Variants in ASAP2 observed in about 807,000 individuals in gnomAD.
ASAP2 encodes the protein ArfGAP with SH3 domain, ankyrin repeat and PH domain 2, also known as arf-GAP with SH3 domain, ANK repeat and PH domain-containing protein 2.
A neutral mutation model predicts 131.4 loss-of-function variants in ASAP2; 45 were observed. The ratio of observed to expected loss-of-function variants is 0.34; its 90% CI spans 0.27 to 0.44. The LOEUF is 0.44. Ranked by LOEUF, ASAP2 falls within the 20% of genes least tolerant of loss-of-function variation. The probability of loss-of-function intolerance (pLI) is 1.00; values close to 1 mark genes in which losing one functional copy is unlikely to be tolerated. For missense variants in ASAP2, 1,011 were observed against 1,297.0 expected (o/e 0.78, Z 3.39); for synonymous variants, 510 against 503.0 (o/e 1.01, Z -0.19).
chr2:9,317,133 A>T (rs111206548), intron 3 of ASAP2, among the ~76,000 whole-genome samples: 35 of 148,012 alleles, frequency 2.4e-4, no homozygotes, highest in African/African-American at 6.3e-4. Flanking sequence ...ACCACACAAC[A>T]CACATCCCAA....
chr2:9,235,962 G>A (rs1330370301), intron 1 of ASAP2, among the ~76,000 whole-genome samples: 1 of 152,186 alleles, frequency 6.6e-6, no homozygotes, highest in Non-Finnish European at 1.5e-5. Context: ...CCAGGACTGG[G>A]GACTGGGGTG....
chr2:9,334,374 TC>T (rs146629001), intron 7 of ASAP2, among the ~76,000 whole-genome samples: 4,764 of 152,132 alleles, frequency 0.031, 193 homozygotes, highest in African/African-American at 0.099. Context: ...CCTTTTCTTT[TC>T]CATGTCGCGG....
intron 11 of ASAP2, among the ~76,000 whole-genome samples, chr2:9,348,305 CTAAAAATCTCTACTAA>C (rs1558354070): frequency 0.011 from 1,707 of 151,846 alleles, 35 homozygotes; most frequent in African/African-American, 0.04. Context: ...TTAGTAGAGA[CTAAAAATCTCTACTAA>C]ATCAGCCAGG....
At chr2:9,399,286 C>T (rs1241272240) in intron 24 of ASAP2, 3 of 152,414 alleles carry the variant, frequency 2.0e-5, no homozygotes, top group African/African-American at 7.2e-5. Context: ...CGTCCTGTGC[C>T]TGGCTTTATG....
intron 9 of ASAP2, 31 bp from the exon 10 acceptor site, chr2:9,344,501 G>A (rs1671819650): frequency 1.3e-6 from 2 of 1,574,716 alleles, no homozygotes; most frequent in Non-Finnish European, 1.7e-6. Flanking sequence ...ACCTGGACAA[G>A]ATTAAAAACA....
chr2:9,378,878 C>A, intron 18 of ASAP2, 66 bp from the exon 19 acceptor site: 1 of 1,188,234 alleles, frequency 8.4e-7, no homozygotes, highest in Non-Finnish European at 1.1e-6. Context: ...GGCTCCCTGC[C>A]GGGCAGTCCC....
chr2:9,360,593 T>G (rs1673015032), intron 15 of ASAP2, among the ~76,000 whole-genome samples: 1 of 152,206 alleles, frequency 6.6e-6, no homozygotes, highest in Admixed American at 6.5e-5. Context: ...CTGCCTGTTC[T>G]CATGGTGTAA....
intron 1 of ASAP2, among the ~76,000 whole-genome samples, chr2:9,210,141 T>C (rs1239991277): frequency 6.6e-6 from 1 of 152,188 alleles, no homozygotes; most frequent in African/African-American, 2.4e-5. Context: ...GAAGTGGACT[T>C]TGAACTTGGC....
intron 1 of ASAP2, among the ~76,000 whole-genome samples, chr2:9,270,784 C>CCTTTTTTTTTTTTT (rs1666294703): frequency 4.3e-5 from 3 of 69,722 alleles, no homozygotes; most frequent in Non-Finnish European, 3.1e-5. Flanking sequence ...CAATTGTTTT[C>CCTTTTTTTTTTTTT]ATTTTTTTTT....
chr2:9,364,743 C>T (rs995655828), intron 15 of ASAP2, among the ~76,000 whole-genome samples: 10 of 152,174 alleles, frequency 6.6e-5, no homozygotes, highest in African/African-American at 2.2e-4. Flanking sequence ...TCACCTAGGA[C>T]TGAAATGTGC....
At chr2:9,272,526 A>G (rs1455829625) in intron 1 of ASAP2, among the ~76,000 whole-genome samples, 2 of 151,986 alleles carry the variant, frequency 1.3e-5, no homozygotes, top group Non-Finnish European at 2.9e-5. Flanking sequence ...CACTTTGTTG[A>G]TTGTTTCCTT....
chr2:9,251,678 G>A (rs1664720249), intron 1 of ASAP2, among the ~76,000 whole-genome samples: 1 of 152,056 alleles, frequency 6.6e-6, no homozygotes, highest in Non-Finnish European at 1.5e-5. Flanking sequence ...GAATTCATGG[G>A]GTCTTTCCTG....
At chr2:9,379,708 A>C (rs960521278) in intron 19 of ASAP2, among the ~76,000 whole-genome samples, 2 of 152,218 alleles carry the variant, frequency 1.3e-5, no homozygotes, top group African/African-American at 4.8e-5. Context: ...ATCATTAAAA[A>C]ACTAATAATC....
Position 9,281,665 on chromosome 2 carries a change from T to G in ASAP2, c.199+2276T>G, listed in dbSNP as rs749491038. Among the ~76,000 whole-genome samples the G allele has an allele frequency of 5.3e-5, 8 of 152,204 alleles. No individual in the cohort carries two copies. The highest frequency in any genetic ancestry group is 1.2e-4 in the Non-Finnish European group (8 of 68,030). ...ATGGGAGAGAGAAGGAAGGCCTCTG[T>G]GGGCTTCAGAATTTTAGGGCAATTG... On this transcript the variant is annotated intron_variant, in intron 2 of 27. Transcript: ENST00000281419. The surrounding 1 kb of genome is among the most constrained non-coding windows in gnomAD (Gnocchi z 4.0).
At chr2:9,345,166 C>G (rs937646267) in intron 11 of ASAP2, among the ~76,000 whole-genome samples, 1 of 152,074 alleles carries the variant, frequency 6.6e-6, no homozygotes, top group Non-Finnish European at 1.5e-5. Flanking sequence ...TCCCCCAGCT[C>G]TCTTTGTCTC....
intron 1 of ASAP2, among the ~76,000 whole-genome samples, chr2:9,255,180 G>A (rs1457711411): frequency 6.6e-6 from 1 of 152,154 alleles, no homozygotes; most frequent in South Asian, 2.1e-4. Context: ...CCAGAATCTT[G>A]GCCATTGTGT....
intron 20 of ASAP2, among the ~76,000 whole-genome samples, chr2:9,381,536 A>T (rs1255929618): frequency 6.6e-6 from 1 of 152,224 alleles, no homozygotes; most frequent in Non-Finnish European, 1.5e-5. Flanking sequence ...CAGGAATTCG[A>T]GATCAGCCTG....
intron 2 of ASAP2, among the ~76,000 whole-genome samples, chr2:9,291,999 G>A (rs1667844730): frequency 6.6e-6 from 1 of 152,090 alleles, no homozygotes; most frequent in Non-Finnish European, 1.5e-5. Context: ...GAAGAGCACT[G>A]GACTCAGAGT....
At chr2:9,254,292 ATAAT>A (rs1664976945) in intron 1 of ASAP2, among the ~76,000 whole-genome samples, 1 of 131,880 alleles carries the variant, frequency 7.6e-6, no homozygotes, top group South Asian at 2.4e-4. Flanking sequence ...GTATATTGTT[ATAAT>A]TATTCTATTA....
Sources: gnomAD v4.1 joint callset for allele counts (sites outside exome capture counted in the v4.1 genomes callset) on GRCh38, gnomAD v4.1.1 for gene constraint, Gnocchi (gnomAD v3.1) non-coding constraint, MANE v1.5 for transcripts, NCBI Gene and HGNC (gene_info 2026-07-23, HGNC 2026-07-21) for gene names.